Variants in MAPK10 observed in about 807,000 individuals in gnomAD.
MAPK10 encodes JNK3 alpha protein kinase.
A neutral mutation model predicts 59.3 loss-of-function variants in MAPK10; 25 were observed. The ratio of observed to expected loss-of-function variants is 0.42; its 90% CI spans 0.31 to 0.59. MAPK10 has a LOEUF of 0.59. MAPK10 is among the 20% of genes least tolerant of loss of function. The pLI is 0.15. For missense variants in MAPK10, 351 were observed against 568.9 expected (o/e 0.62, Z 3.90); for synonymous variants, 190 against 200.5 (o/e 0.95, Z 0.44).
At chr4:86,311,718 A>G (rs1297304258) in intron 2 of MAPK10, among the ~76,000 whole-genome samples, 2 of 152,106 alleles carry the variant, frequency 1.3e-5, no homozygotes, top group Admixed American at 1.3e-4. Flanking sequence ...GCCTCTCTAA[A>G]AAGAGAATCA....
At chr4:86,491,657 C>G (rs577894536) in intron 1 of MAPK10, among the ~76,000 whole-genome samples, 1 of 152,258 alleles carries the variant, frequency 6.6e-6, no homozygotes, top group African/African-American at 2.4e-5. Flanking sequence ...TAGGTCCATT[C>G]GGGATATCAG....
intron 1 of MAPK10, among the ~76,000 whole-genome samples, chr4:86,465,616 A>T (rs1451057332): frequency 1.3e-5 from 2 of 152,246 alleles, no homozygotes; most frequent in Non-Finnish European, 2.9e-5. Context: ...TGGTGGAGAG[A>T]TCCGATAACA....
intron 1 of MAPK10, among the ~76,000 whole-genome samples, chr4:86,446,329 T>C (rs1750034587): frequency 6.6e-6 from 1 of 152,182 alleles, no homozygotes; most frequent in African/African-American, 2.4e-5. Context: ...TTGCCAAGCA[T>C]TAAAAATTCT....
At chr4:86,397,156 A>G (rs950699021) in intron 1 of MAPK10, among the ~76,000 whole-genome samples, 7 of 152,210 alleles carry the variant, frequency 4.6e-5, no homozygotes, top group Admixed American at 1.3e-4. Context: ...CAGGAAAGAA[A>G]TATTTTTATT....
At chr4:86,056,101 C>T (rs549982392) in intron 11 of MAPK10, among the ~76,000 whole-genome samples, 1 of 150,196 alleles carries the variant, frequency 6.7e-6, no homozygotes, top group East Asian at 1.9e-4. Context: ...CTCACAAAGA[C>T]TTTAATCCCC....
chr4:86,109,451 G>T (rs370443554), intron 4 of MAPK10, among the ~76,000 whole-genome samples: 3 of 152,078 alleles, frequency 2.0e-5, no homozygotes, highest in African/African-American at 4.8e-5. Flanking sequence ...TCTTCTCATT[G>T]TTCAGCTCCC....
chr4:86,274,628 T>C (rs2094523152), intron 2 of MAPK10, among the ~76,000 whole-genome samples: 2 of 151,864 alleles, frequency 1.3e-5, no homozygotes, highest in South Asian at 2.1e-4. Flanking sequence ...CAAGACAAAA[T>C]CTCCATGCAT....
chr4:86,198,428 T>C lies in MAPK10; in HGVS notation c.-6-4021A>G, dbSNP rs1211694485. Reference sequence around the variant, plus strand: ...AGTTCTGACATTCTAACTGCTGCTATTGCTCTGAGTAATAAAGACCCTCGT... The same window carrying C: ...AGTTCTGACATTCTAACTGCTGCTACTGCTCTGAGTAATAAAGACCCTCGT... On this transcript the variant is annotated intron_variant, in intron 2 of 13. Coordinates refer to ENST00000641462, the MANE Select transcript of MAPK10 (RefSeq NM_138982.4). Among the ~76,000 whole-genome samples, 6 of 152,084 alleles carry C rather than the reference T, an allele frequency of 3.9e-5. 1 individual carries two copies. Among genetic ancestry groups the C allele is most frequent in the East Asian group, 3.8e-4 (2 of 5,196 alleles).
chr4:86,180,622 A>T (rs532594603), intron 3 of MAPK10, among the ~76,000 whole-genome samples: 6 of 152,172 alleles, frequency 3.9e-5, no homozygotes, highest in Admixed American at 3.9e-4. Flanking sequence ...ACATGACTAG[A>T]TAAAGCAAAT....
At chr4:86,526,150 C>A (rs1564988449) in intron 1 of MAPK10, among the ~76,000 whole-genome samples, 1 of 152,132 alleles carries the variant, frequency 6.6e-6, no homozygotes, top group East Asian at 1.9e-4. Flanking sequence ...TTGGTACCAG[C>A]TATTCTTTGT....
chr4:86,440,578 T>C (rs951562467), intron 1 of MAPK10, among the ~76,000 whole-genome samples: 1 of 150,426 alleles, frequency 6.6e-6, no homozygotes, highest in Admixed American at 6.6e-5. Context: ...TGTAGTGAGC[T>C]GATCACACCA....
intron 1 of MAPK10, among the ~76,000 whole-genome samples, chr4:86,585,391 C>T (rs1027667376): frequency 6.6e-5 from 10 of 152,134 alleles, no homozygotes; most frequent in Non-Finnish European, 8.8e-5. Flanking sequence ...CAAGTGTCCT[C>T]AAGCTATATG....
chr4:86,508,899 A>G (rs547317606), intron 1 of MAPK10, among the ~76,000 whole-genome samples: 1 of 152,310 alleles, frequency 6.6e-6, no homozygotes, highest in East Asian at 1.9e-4. Context: ...AGCTGGCTAC[A>G]TGGCTTTTCC....
intron 1 of MAPK10, among the ~76,000 whole-genome samples, chr4:86,405,571 C>T (rs6823664): frequency 0.5 from 76,446 of 152,056 alleles, 19,212 homozygotes; most frequent in Admixed American, 0.53. Context: ...AAATATTCAA[C>T]ATACTAGAAA....
intron 3 of MAPK10, among the ~76,000 whole-genome samples, chr4:86,174,676 C>T (rs193041390): frequency 6.6e-6 from 1 of 152,210 alleles, no homozygotes; most frequent in Admixed American, 6.6e-5. Flanking sequence ...TGTTTTAGCT[C>T]GTGCATCACA....
intron 1 of MAPK10, among the ~76,000 whole-genome samples, chr4:86,521,487 G>A (rs1043315112): frequency 3.3e-5 from 5 of 152,066 alleles, no homozygotes; most frequent in Non-Finnish European, 7.4e-5. Flanking sequence ...GCCACTGTCG[G>A]GGATGGGGGT....
intron 2 of MAPK10, among the ~76,000 whole-genome samples, chr4:86,279,001 C>A (rs943157413): frequency 1.3e-5 from 2 of 152,062 alleles, no homozygotes; most frequent in Non-Finnish European, 2.9e-5. Flanking sequence ...TGTTAAAGTT[C>A]ATCATTTGTT....
intron 2 of MAPK10, chr4:86,327,749 G>C (rs1333220503): frequency 7.4e-6 from 1 of 134,774 alleles, no homozygotes; most frequent in East Asian, 2.3e-4. Flanking sequence ...AGACCAGCCT[G>C]GCCAACCCTG....
intron 13 of MAPK10, chr4:86,027,706 T>C (rs1456969416): frequency 2.0e-5 from 3 of 152,226 alleles, no homozygotes; most frequent in Non-Finnish European, 2.9e-5. Context: ...GAGCTACTAC[T>C]ATGTGCAAGG....
Sources: allele counts gnomAD v4.1 joint callset (sites outside exome capture counted in the v4.1 genomes callset), GRCh38; gene constraint gnomAD v4.1.1; transcripts MANE v1.5; gene names NCBI Gene and HGNC (gene_info 2026-07-23, HGNC 2026-07-21).